The following COL5A1 variants were observed in gnomAD, a reference collection of about 807,000 sequenced individuals.
COL5A1 encodes the protein collagen type V alpha 1 chain, also known as collagen alpha-1(V) chain.
Under a neutral mutation model 263.7 loss-of-function variants are expected in COL5A1, and 16 were observed. The ratio of observed to expected loss-of-function variants is 0.06; its 90% CI spans 0.04 to 0.09. COL5A1 has a LOEUF of 0.09. COL5A1 is among the 10% of genes least tolerant of loss of function. The pLI is 1.00. For missense variants in COL5A1, 2,036 were observed against 2,540.5 expected, an observed-to-expected ratio of 0.80 and a Z score of 4.27; for synonymous variants, 1,012 against 1,004.5, an observed-to-expected ratio of 1.01 and a Z score of -0.14.
At chr9:134,712,236 A>T (rs949923575) in intron 4 of COL5A1, among the ~76,000 whole-genome samples, 177 of 3,292 alleles carry the variant, frequency 0.054, 3 homozygotes, top group Admixed American at 0.23. Context: ...CCTTCTTCTT[A>T]TCCCCCTTCT....
intron 32 of COL5A1, among the ~76,000 whole-genome samples, chr9:134,792,849 GCGCA>G (rs1245952869): frequency 7.1e-5 from 10 of 140,738 alleles, no homozygotes; most frequent in Non-Finnish European, 1.1e-4. Context: ...ATGTGTGTGT[GCGCA>G]CACGTGTGTG....
At position 134,761,960 on chromosome 9, in the gene COL5A1, G is replaced by A. The variant is rs981088114; in HGVS notation, c.1971G>A (p.Pro657=). 1.1e-5 allele frequency: 18 copies of A among 1,613,392 alleles called. No homozygotes were observed. Among genetic ancestry groups the A allele is most frequent in the African/African-American group, 1.1e-4 (8 of 74,930 alleles). The change falls in exon 19 of 66, where the codon CCG becomes CCA. Residue 657 remains proline, a synonymous_variant. Transcript: ENST00000371817. ...DPGPSGPPGP[P]GDDGERGDDG... ...GTCCTTCCGGCCCACCAGGACCTCC[G>A]GGAGACGATGGAGAAAGGGTAGGTA...
rs1444295577 is a variant in COL5A1, at chr9:134,642,236, G to GCCCCGCTGCTGC, written c.62_73dup (p.Pro21_Leu24dup). ...AGCGCGCAGCGCGCTCCGCCCGGGCGCCCCGCTGCTGCCCCCGCTGCTGCT... is the reference window on the plus strand; with the variant it reads ...AGCGCGCAGCGCGCTCCGCCCGGGCGCCCCGCTGCTGCCCCCGCTGCTGCCCCCGCTGCTGCT... On this transcript the variant is annotated inframe_insertion, in exon 1 of 66. Transcript: ENST00000371817. The surrounding 1 kb of genome is among the most constrained non-coding windows in gnomAD (Gnocchi z 4.5). 6.2e-6 allele frequency: 8 copies of GCCCCGCTGCTGC among 1,293,694 alleles called. No individual in the cohort carries two copies. Among genetic ancestry groups the GCCCCGCTGCTGC allele is most frequent in the Middle Eastern group, 2.9e-4 (1 of 3,480 alleles). The allele number at this position is 1,293,694 out of a possible 1,614,324, so 80.1% of individuals were successfully genotyped here.
intron 4 of COL5A1, among the ~76,000 whole-genome samples, chr9:134,724,223 A>C (rs1318938060): frequency 1.3e-5 from 2 of 152,196 alleles, no homozygotes; most frequent in Admixed American, 1.3e-4. Flanking sequence ...CATTGACCTC[A>C]AAATCTTTTG....
chr9:134,763,762 G>A (rs373854626), intron 20 of COL5A1, 25 bp downstream of exon 20: 19 of 1,609,900 alleles, frequency 1.2e-5, no homozygotes, highest in African/African-American at 6.7e-5. Context: ...TGAGTGGGAC[G>A]GTGGGGGCTC....
chr9:134,794,597 G>A lies in COL5A1; in HGVS notation c.2701-485G>A, dbSNP rs972309282. On this transcript the variant is annotated intron_variant, in intron 32 of 65. Coordinates refer to ENST00000371817, the MANE Select transcript of COL5A1 (RefSeq NM_000093.5). The surrounding 1 kb of genome is among the most constrained non-coding windows in gnomAD (Gnocchi z 4.3). Reference sequence around the variant, plus strand: ...TTTATATATTAAATTCCAAGTTTGCGCGTCTGCAGAGCCTGTTGAAAATTT... The same window carrying A: ...TTTATATATTAAATTCCAAGTTTGCACGTCTGCAGAGCCTGTTGAAAATTT... 3.9e-5 allele frequency among the ~76,000 whole-genome samples: 6 copies of A among 152,318 alleles called. No homozygotes were observed. The highest frequency in any genetic ancestry group is 1.9e-4 in the East Asian group (1 of 5,190).
intron 1 of COL5A1, among the ~76,000 whole-genome samples, chr9:134,687,035 G>A (rs574583110): frequency 1.2e-3 from 176 of 152,328 alleles, no homozygotes; most frequent in African/African-American, 3.9e-3. Flanking sequence ...CCCATTTGGG[G>A]TTGCACCACC....
chr9:134,800,977 G>C (rs1180094291), intron 37 of COL5A1, among the ~76,000 whole-genome samples: 2 of 152,188 alleles, frequency 1.3e-5, no homozygotes, highest in Non-Finnish European at 2.9e-5. Context: ...GTCTCCACCA[G>C]TGTCATGTGG....
chr9:134,814,186 G>C (rs138767372), intron 49 of COL5A1, 150 bp downstream of exon 49: 1 of 790,368 alleles, frequency 1.3e-6, no homozygotes, highest in Non-Finnish European at 2.0e-6. Flanking sequence ...TGGAATGACC[G>C]TGAACAAGGT....
chr9:134,767,405 T>C, intron 24 of COL5A1, 51 bp downstream of exon 24: 1 of 1,571,758 alleles, frequency 6.4e-7, no homozygotes, highest in Non-Finnish European at 8.8e-7. Context: ...GCAGGTGGAT[T>C]CCCTGGCCCC....
chr9:134,683,839 C>G (rs1832933400), intron 1 of COL5A1, among the ~76,000 whole-genome samples: 1 of 152,220 alleles, frequency 6.6e-6, no homozygotes, highest in Non-Finnish European at 1.5e-5. Context: ...GGCTGATTGT[C>G]TTTTGTTCTG....
At position 134,753,882 on chromosome 9, in the gene COL5A1, G is replaced by A. The variant is rs376865199; in HGVS notation, c.1752G>A (p.Glu584=). ...CTGGGAGCGGAGGTTTGAAGGGCGA[G>A]CCGGGAGACGTGGGGCCTCAGGTAT... The part of the protein sequence containing the change: ...GPPGSGGLKG[E]PGDVGPQGPR... Residue 584 remains glutamate (E), a synonymous_variant, in exon 15 of 66, where the codon GAG becomes GAA. Transcript: ENST00000371817. 1.2e-6 allele frequency: 2 copies of A among 1,613,490 alleles called. No homozygotes were observed. Among genetic ancestry groups the A allele is most frequent in the Non-Finnish European group, 1.7e-6 (2 of 1,179,918 alleles).
intron 18 of COL5A1, among the ~76,000 whole-genome samples, chr9:134,760,466 C>T (rs556234557): frequency 1.6e-5 from 2 of 124,154 alleles, no homozygotes; most frequent in South Asian, 2.8e-4. Flanking sequence ...CACACACCCC[C>T]ACATTCATAC....
At chr9:134,724,151 G>A (rs1834564497) in intron 4 of COL5A1, among the ~76,000 whole-genome samples, 1 of 152,060 alleles carries the variant, frequency 6.6e-6, no homozygotes, top group Non-Finnish European at 1.5e-5. Context: ...GCCCCCTGCT[G>A]ACCCCCAGTT....
chr9:134,685,482 AT>A (rs1833023458), intron 1 of COL5A1, among the ~76,000 whole-genome samples: 3 of 58,682 alleles, frequency 5.1e-5, no homozygotes, highest in Non-Finnish European at 1.2e-4. Flanking sequence ...CCATCCATCC[AT>A]CCGTCCATCC....
rs765621047 is a variant in COL5A1, at chr9:134,823,298, T to C, written c.4645-118T>C. ...GTCTCTGCCATTCTCTTCTCTGCTGTGGCTGATAGGGCCACCTCCCCCACA... is the reference window on the plus strand; with the variant it reads ...GTCTCTGCCATTCTCTTCTCTGCTGCGGCTGATAGGGCCACCTCCCCCACA... On this transcript the variant is annotated intron_variant, in intron 60 of 65. Coordinates refer to ENST00000371817, the MANE Select transcript of COL5A1 (RefSeq NM_000093.5). 24 of 1,140,150 alleles carry C rather than the reference T, an allele frequency of 2.1e-5. No homozygotes were observed. In the Middle Eastern group the frequency reaches 7.7e-4, roughly 37 times the overall value. The allele number at this position is 1,140,150 out of a possible 1,614,324, so 70.6% of individuals were successfully genotyped here.
chr9:134,714,053 T>TG (rs1464067420), intron 4 of COL5A1, among the ~76,000 whole-genome samples: 4 of 152,230 alleles, frequency 2.6e-5, no homozygotes, highest in Non-Finnish European at 4.4e-5. Context: ...CTCCCAAGTC[T>TG]TCTCCCTTGA....
intron 1 of COL5A1, among the ~76,000 whole-genome samples, chr9:134,667,929 C>T (rs7032489): frequency 3.3e-5 from 5 of 151,968 alleles, no homozygotes; most frequent in Admixed American, 2.6e-4. Context: ...AGCCTCTGCT[C>T]TTCCTACCAG....
rs1356914570 is a variant in COL5A1 at position 134,761,031 on chromosome 9, C to T, written c.1936-894C>T. ...CCAGCCACACACGCATACACACGTG[C>T]ACAGGCTCCACACATGCCCACACTC... is the stretch of plus-strand genomic sequence containing the variant. On this transcript the variant is annotated intron_variant, in intron 18 of 65. Coordinates refer to ENST00000371817, the MANE Select transcript of COL5A1 (RefSeq NM_000093.5). Among the ~76,000 whole-genome samples, 4 of 149,282 alleles carry T rather than the reference C, an allele frequency of 2.7e-5. No homozygotes were observed. In the East Asian group the frequency reaches 6.0e-4, roughly 22 times the overall value.
Sources: gnomAD v4.1 joint callset for allele counts (sites outside exome capture counted in the v4.1 genomes callset) on GRCh38, gnomAD v4.1.1 for gene constraint, Gnocchi (gnomAD v3.1) non-coding constraint, MANE v1.5 for transcripts, NCBI Gene and HGNC (gene_info 2026-07-23, HGNC 2026-07-21) for gene names.